Variants in RASGRP3 observed in about 807,000 individuals in gnomAD.
RASGRP3 encodes the protein RAS guanyl releasing protein 3.
In RASGRP3, 54 loss-of-function variants were observed where a neutral mutation model predicts 82.7. The ratio of observed to expected loss-of-function variants is 0.65; its 90% CI spans 0.52 to 0.82. The LOEUF (loss-of-function observed/expected upper bound fraction) is 0.82. Among genes scored for constraint, RASGRP3 ranks in the 40% least tolerant of loss-of-function variants. The pLI is 0.00. For synonymous variants in RASGRP3, 309 were observed against 300.5 expected (o/e 1.03, Z -0.29); for missense variants, 861 against 828.9 (o/e 1.04, Z -0.48).
At chr2:33,459,123 C>T (rs1302576986) in intron 2 of RASGRP3, among the ~76,000 whole-genome samples, 1 of 151,984 alleles carries the variant, frequency 6.6e-6, no homozygotes, top group Non-Finnish European at 1.5e-5. Context: ...TCAAAGTGGA[C>T]ATTTCTCGGA....
intron 5 of RASGRP3, 78 bp from the exon 6 acceptor site, chr2:33,520,475 C>G: frequency 6.4e-7 from 1 of 1,558,134 alleles, no homozygotes; most frequent in Non-Finnish European, 8.8e-7. Context: ...TAAATGTAGT[C>G]TGTAAAACGG....
At chr2:33,518,589 A>G (rs1013009867) in intron 4 of RASGRP3, among the ~76,000 whole-genome samples, 3 of 152,222 alleles carry the variant, frequency 2.0e-5, no homozygotes, top group Admixed American at 1.3e-4. Flanking sequence ...TATACTTTAT[A>G]AACCTTTAAA....
Position 33,555,544 on chromosome 2 carries a change from T to A in RASGRP3, c.1556T>A (p.Ile519Asn). The A allele has an allele frequency of 6.3e-7, 1 of 1,599,704 alleles. No individual in the cohort carries two copies. The highest frequency in any genetic ancestry group is 8.6e-7 in the Non-Finnish European group (1 of 1,169,362). ...CTTTTGTTACAGCTCTGGGGCATAA[T>A]CAAGCAAGGATACAAATGCAAAGGT... ...EHCAGFLWGI[I>N]KQGYKCKDCG... Residue 519 changes from isoleucine to asparagine, a missense_variant, in exon 15 of 18, where the codon ATC (isoleucine) becomes AAC (asparagine). Transcript: ENST00000403687.
chr2:33,498,692 C>T (rs544702251), intron 1 of RASGRP3, among the ~76,000 whole-genome samples: 68 of 152,302 alleles, frequency 4.5e-4, no homozygotes, highest in South Asian at 2.1e-3. Context: ...GCAGCATTCT[C>T]CTTCTTCTCT....
chr2:33,551,983 A>G (rs1358819558), intron 14 of RASGRP3, among the ~76,000 whole-genome samples: 1 of 150,962 alleles, frequency 6.6e-6, no homozygotes, highest in Non-Finnish European at 1.5e-5. Flanking sequence ...ACAGAGCAAG[A>G]CTCCATCTCA....
At chr2:33,461,436 C>A (rs375745246) in intron 2 of RASGRP3, among the ~76,000 whole-genome samples, 1 of 152,190 alleles carries the variant, frequency 6.6e-6, no homozygotes, top group Non-Finnish European at 1.5e-5. Flanking sequence ...CGTCACGACA[C>A]TCAGCTAATT....
chr2:33,495,928 G>A (rs532011993), intron 1 of RASGRP3, among the ~76,000 whole-genome samples: 152 of 152,272 alleles, frequency 1.0e-3, no homozygotes, highest in Admixed American at 1.4e-3. Flanking sequence ...CCATCCAAAT[G>A]TTGCCTCATG....
intron 14 of RASGRP3, among the ~76,000 whole-genome samples, chr2:33,552,440 G>T (rs1266575522): frequency 6.6e-6 from 1 of 152,100 alleles, no homozygotes; most frequent in Non-Finnish European, 1.5e-5. Context: ...GAGTTTAATT[G>T]AAATTAACTC....
At chr2:33,478,431 A>G (rs563190884) in intron 1 of RASGRP3, among the ~76,000 whole-genome samples, 7 of 152,090 alleles carry the variant, frequency 4.6e-5, no homozygotes, top group African/African-American at 1.7e-4. Flanking sequence ...TTCCTGGTAT[A>G]GTTTCAGATT....
chr2:33,483,153 C>T (rs1668082662), intron 1 of RASGRP3, among the ~76,000 whole-genome samples: 1 of 152,038 alleles, frequency 6.6e-6, no homozygotes, highest in Admixed American at 6.6e-5. Context: ...GAATTCAACT[C>T]AATGTATAAA....
chr2:33,519,226 A>C (rs1473893243), intron 4 of RASGRP3, among the ~76,000 whole-genome samples: 1 of 152,190 alleles, frequency 6.6e-6, no homozygotes, highest in Non-Finnish European at 1.5e-5. Flanking sequence ...TTATTGGACC[A>C]CTGTCACATA....
intron 11 of RASGRP3, among the ~76,000 whole-genome samples, chr2:33,536,758 A>T (rs910871224): frequency 6.6e-6 from 1 of 152,118 alleles, no homozygotes; most frequent in African/African-American, 2.4e-5. Flanking sequence ...TTGAGATGGG[A>T]GAGTTCCCTG....
chr2:33,504,474 C>T (rs752335706), intron 1 of RASGRP3, among the ~76,000 whole-genome samples: 5 of 152,190 alleles, frequency 3.3e-5, no homozygotes, highest in African/African-American at 4.8e-5. Flanking sequence ...GCTAAATAGA[C>T]AATAAACATT....
chr2:33,526,899 A>G (rs1156265892), intron 9 of RASGRP3, among the ~76,000 whole-genome samples: 2 of 152,242 alleles, frequency 1.3e-5, no homozygotes, highest in Non-Finnish European at 2.9e-5. Flanking sequence ...CCTAGTAGGT[A>G]GGCAGACATG....
chr2:33,458,135 G>A (rs1456195456), intron 2 of RASGRP3: 1 of 152,156 alleles, frequency 6.6e-6, no homozygotes. Flanking sequence ...GGGCCAGTAA[G>A]TTGGGTCCAA....
chr2:33,516,681 A>G, intron 4 of RASGRP3, 37 bp downstream of exon 4: 1 of 1,354,698 alleles, frequency 7.4e-7, no homozygotes, highest in Non-Finnish European at 1.0e-6. Flanking sequence ...TTACAATCAT[A>G]AATCAAGCTC....
At chr2:33,494,233 G>A (rs1404978412) in intron 1 of RASGRP3, among the ~76,000 whole-genome samples, 1 of 152,190 alleles carries the variant, frequency 6.6e-6, no homozygotes, top group East Asian at 1.9e-4. Context: ...CTCTGTTGGA[G>A]CTACGGTTTT....
chr2:33,513,226 A>C (rs144583677), intron 2 of RASGRP3, among the ~76,000 whole-genome samples: 121 of 152,362 alleles, frequency 7.9e-4, no homozygotes, highest in African/African-American at 2.8e-3. Context: ...CTTCAGCACA[A>C]GAATCTGGTT....
At chr2:33,519,511 G>A (rs775245956) in intron 4 of RASGRP3, among the ~76,000 whole-genome samples, 11 of 152,268 alleles carry the variant, frequency 7.2e-5, no homozygotes, top group Non-Finnish European at 1.3e-4. Context: ...GGAGGCTGAG[G>A]CAGGAGAGTG....
Sources: gnomAD v4.1 joint callset for allele counts (sites outside exome capture counted in the v4.1 genomes callset) on GRCh38, gnomAD v4.1.1 for gene constraint, MANE v1.5 for transcripts, NCBI Gene and HGNC (gene_info 2026-07-23, HGNC 2026-07-21) for gene names.